The following THADA variants were observed in gnomAD, a reference collection of about 807,000 sequenced individuals.
THADA encodes THADA armadillo repeat containing, also known as tRNA (32-2'-O)-methyltransferase regulator THADA.
THADA carries 213 observed loss-of-function variants against 219.8 expected under a neutral mutation model. That is an observed-to-expected ratio of 0.97 (90% CI 0.87 to 1.09). The LOEUF is 1.09. THADA is among the 50% of genes least tolerant of loss of function. The pLI is 0.00. For synonymous variants in THADA, 1,018 were observed against 828.9 expected (o/e 1.23, Z -3.92); for missense variants, 2,956 against 2,311.3 (o/e 1.28, Z -5.72).
intron 21 of THADA, among the ~76,000 whole-genome samples, chr2:43,540,199 G>T (rs1189643916): frequency 6.6e-6 from 1 of 152,164 alleles, no homozygotes; most frequent in Admixed American, 6.5e-5. Context: ...AGTAACTCTA[G>T]GACACTGACG....
intron 36 of THADA, among the ~76,000 whole-genome samples, chr2:43,267,941 C>T (rs1031702479): frequency 1.3e-5 from 2 of 152,114 alleles, no homozygotes; most frequent in African/African-American, 4.8e-5. Flanking sequence ...CAAGATACAC[C>T]CCAAGCTGAC....
chr2:43,350,414 G>T (rs1380973555), intron 29 of THADA, among the ~76,000 whole-genome samples: 2 of 152,192 alleles, frequency 1.3e-5, no homozygotes, highest in East Asian at 3.8e-4. Context: ...GAGAGAGAAA[G>T]GTCTCTAACA....
intron 26 of THADA, among the ~76,000 whole-genome samples, chr2:43,468,379 G>T (rs1332673017): frequency 2.6e-5 from 4 of 152,178 alleles, no homozygotes; most frequent in African/African-American, 9.6e-5. Context: ...GTGAAATCCG[G>T]TGGTGTTATT....
chr2:43,478,282 G>C (rs939213481), intron 26 of THADA, among the ~76,000 whole-genome samples: 1 of 152,170 alleles, frequency 6.6e-6, no homozygotes, highest in Admixed American at 6.5e-5. Flanking sequence ...CAAATCAGTA[G>C]TTACAAGGAC....
At position 43,287,079 on chromosome 2, in the gene THADA, A is replaced by ACC; in HGVS notation, c.5011-20_5011-19dup. The ACC allele has an allele frequency of 6.2e-7, 1 of 1,601,688 alleles. No individual in the cohort carries two copies. The highest frequency in any genetic ancestry group is 1.1e-5 in the South Asian group (1 of 89,720). ...TCCCTGTTCTAAAAGCACAAAATGT[A>ACC]CCTATCAGTAGTTCAGAAGATGCAA... On this transcript the variant is annotated intron_variant, in intron 34 of 37. Coordinates refer to ENST00000405975, the MANE Select transcript of THADA (RefSeq NM_022065.5).
chr2:43,378,140 A>G (rs1477811549), intron 29 of THADA, among the ~76,000 whole-genome samples: 2 of 152,212 alleles, frequency 1.3e-5, no homozygotes, highest in East Asian at 1.9e-4. Flanking sequence ...CATAATTACC[A>G]TGAGAAAATA....
intron 26 of THADA, among the ~76,000 whole-genome samples, chr2:43,472,049 C>G (rs542343701): frequency 3.9e-5 from 6 of 152,122 alleles, no homozygotes; most frequent in Non-Finnish European, 5.9e-5. Context: ...ATACACAAGG[C>G]CCTGAAAAAC....
intron 20 of THADA, among the ~76,000 whole-genome samples, chr2:43,547,192 T>TATTG (rs1401464081): frequency 2.0e-5 from 3 of 152,248 alleles, no homozygotes; most frequent in Admixed American, 2.0e-4. Flanking sequence ...GAATGTTGAA[T>TATTG]ATTGGCCCCC....
intron 13 of THADA, among the ~76,000 whole-genome samples, chr2:43,570,918 T>C (rs537450372): frequency 1.8e-3 from 280 of 152,316 alleles, no homozygotes; most frequent in African/African-American, 6.6e-3. Context: ...ATTAGACTTT[T>C]TCTTTACAAA....
chr2:43,348,314 T>C (rs1278423046), intron 29 of THADA, among the ~76,000 whole-genome samples: 1 of 152,216 alleles, frequency 6.6e-6, no homozygotes, highest in African/African-American at 2.4e-5. Context: ...GTCACCACTA[T>C]TACTATTGCC....
At chr2:43,430,497 A>G in intron 26 of THADA, 195 bp from the exon 27 acceptor site, 1 of 553,274 alleles carries the variant, frequency 1.8e-6, no homozygotes, top group Middle Eastern at 2.8e-4. Context: ...AGTGCTCTCA[A>G]TCCATGAACT....
intron 28 of THADA, among the ~76,000 whole-genome samples, chr2:43,427,345 C>T (rs950271930): frequency 1.4e-4 from 21 of 152,078 alleles, no homozygotes; most frequent in African/African-American, 5.1e-4. Context: ...CTATCAACAC[C>T]ATCCACCTGC....
intron 28 of THADA, among the ~76,000 whole-genome samples, chr2:43,427,822 G>A (rs1335174803): frequency 6.7e-6 from 1 of 149,406 alleles, no homozygotes; most frequent in Admixed American, 6.7e-5. Flanking sequence ...CAGGCGTGGT[G>A]GCGGGTGCCT....
chr2:43,445,647 G>C (rs2104875855), intron 26 of THADA, among the ~76,000 whole-genome samples: 1 of 152,306 alleles, frequency 6.6e-6, no homozygotes, highest in East Asian at 1.9e-4. Flanking sequence ...ATCCTCTGTA[G>C]GTAGCCATAG....
intron 14 of THADA, among the ~76,000 whole-genome samples, chr2:43,569,544 G>C (rs1454256251): frequency 6.6e-6 from 1 of 152,126 alleles, no homozygotes; most frequent in Non-Finnish European, 1.5e-5. Flanking sequence ...GATTTTAAAA[G>C]GTCGAAGCTA....
chr2:43,595,453 G>C (rs1209290558), intron 1 of THADA, among the ~76,000 whole-genome samples: 1 of 152,196 alleles, frequency 6.6e-6, no homozygotes, highest in Non-Finnish European at 1.5e-5. Flanking sequence ...CTGGTGAAAG[G>C]TAAGCAAGTT....
At chr2:43,422,943 C>G (rs1421951211) in intron 28 of THADA, among the ~76,000 whole-genome samples, 1 of 152,112 alleles carries the variant, frequency 6.6e-6, no homozygotes, top group Non-Finnish European at 1.5e-5. Flanking sequence ...CTGGTCCAGG[C>G]TATTTCGAAT....
At chr2:43,482,781 CAG>C (rs1686391510) in intron 26 of THADA, among the ~76,000 whole-genome samples, 1 of 152,180 alleles carries the variant, frequency 6.6e-6, no homozygotes, top group Non-Finnish European at 1.5e-5. Context: ...AGTACAATCA[CAG>C]AAGTGGTAAC....
intron 22 of THADA, among the ~76,000 whole-genome samples, chr2:43,514,862 T>A (rs1691122138): frequency 1.4e-5 from 1 of 69,900 alleles, no homozygotes; most frequent in Non-Finnish European, 2.4e-5. Flanking sequence ...ATGTACAATA[T>A]ATATTTTATG....
Sources: gnomAD v4.1 joint callset for allele counts (sites outside exome capture counted in the v4.1 genomes callset) on GRCh38, gnomAD v4.1.1 for gene constraint, MANE v1.5 for transcripts, NCBI Gene and HGNC (gene_info 2026-07-23, HGNC 2026-07-21) for gene names.